Variants in AJAP1 observed in about 807,000 individuals in gnomAD.
AJAP1 encodes adherens junction-associated protein 1.
AJAP1 carries 5 observed loss-of-function variants against 35.0 expected under a neutral mutation model. The observed-to-expected ratio is 0.14, with a 90% confidence interval of 0.07 to 0.30. The LOEUF (loss-of-function observed/expected upper bound fraction) is 0.30. Ranked by LOEUF, AJAP1 falls within the 10% of genes least tolerant of loss-of-function variation. The pLI, the probability that AJAP1 is intolerant of heterozygous loss-of-function variation, is 1.00. For missense variants in AJAP1, 586 were observed against 571.0 expected (o/e 1.03, Z -0.27); for synonymous variants, 284 against 249.3 (o/e 1.14, Z -1.31).
chr1:4,726,513 C>A (rs1640663070), intron 2 of AJAP1, among the ~76,000 whole-genome samples: 1 of 152,004 alleles, frequency 6.6e-6, no homozygotes, highest in Admixed American at 6.6e-5. Context: ...GTCTGGGAGC[C>A]TAGAGGAGAT....
At chr1:4,747,237 G>A (rs1570187720) in intron 2 of AJAP1, among the ~76,000 whole-genome samples, 2 of 152,144 alleles carry the variant, frequency 1.3e-5, no homozygotes, top group East Asian at 3.9e-4. Flanking sequence ...TGCATGTCCT[G>A]ACTTGGCTGC....
chr1:4,776,943 AGCCACG>A (rs1557651290), intron 5 of AJAP1, among the ~76,000 whole-genome samples: 1 of 152,216 alleles, frequency 6.6e-6, no homozygotes, highest in Non-Finnish European at 1.5e-5. Flanking sequence ...GCCGACACGA[AGCCACG>A]GCCCACTCCT....
chr1:4,681,360 G>C (rs1639477709), intron 1 of AJAP1, among the ~76,000 whole-genome samples: 1 of 152,236 alleles, frequency 6.6e-6, no homozygotes. Flanking sequence ...CCCAGGCCAA[G>C]GAAAGGAGGC....
intron 5 of AJAP1, among the ~76,000 whole-genome samples, chr1:4,776,191 C>T (rs1016239063): frequency 6.6e-6 from 1 of 152,232 alleles, no homozygotes; most frequent in Non-Finnish European, 1.5e-5. Context: ...ACACTTTTTA[C>T]TTGCCCAGTC....
At chr1:4,733,466 G>A (rs572858762) in intron 2 of AJAP1, among the ~76,000 whole-genome samples, 5 of 149,114 alleles carry the variant, frequency 3.4e-5, no homozygotes, top group South Asian at 4.4e-4. Context: ...AAAGTATCTC[G>A]TGTGCCCAGG....
At chr1:4,759,700 C>T (rs576339331) in intron 2 of AJAP1, among the ~76,000 whole-genome samples, 1 of 152,296 alleles carries the variant, frequency 6.6e-6, no homozygotes, top group African/African-American at 2.4e-5. Context: ...CCTCCAAGAG[C>T]GAGGTGCAGG....
At chr1:4,689,441 G>A (rs1639685660) in intron 1 of AJAP1, among the ~76,000 whole-genome samples, 1 of 152,200 alleles carries the variant, frequency 6.6e-6, no homozygotes, top group East Asian at 1.9e-4. Context: ...CCAGGAAGGC[G>A]GAGGCGGGGG....
chr1:4,699,093 C>G (rs1052416786), intron 1 of AJAP1, among the ~76,000 whole-genome samples: 1 of 152,196 alleles, frequency 6.6e-6, no homozygotes. Context: ...AGGGTAGCAT[C>G]TGGTCATTGT....
In AJAP1 at chr1:4,655,682, G is replaced by T. The variant is rs1438192680; in HGVS notation, c.29+228G>T. Among the ~76,000 whole-genome samples, 1 of 151,164 alleles carries T rather than the reference G, an allele frequency of 6.6e-6. No homozygotes were observed. Among genetic ancestry groups the T allele is most frequent in the African/African-American group, 2.4e-5 (1 of 41,338 alleles). The stretch of plus-strand genomic sequence containing the variant: ...CCAGGGTTCCGCGCGTCCGGGGTCG[G>T]GGCAGCGGCGCCCGCCCCAGCAACC... On this transcript the variant is annotated intron_variant, in intron 1 of 5. Coordinates refer to ENST00000378191, the MANE Select transcript of AJAP1 (RefSeq NM_018836.4). This position sits in a 1 kb window ranked among gnomAD's most constrained non-coding sequence, Gnocchi z 6.9.
intron 1 of AJAP1, 91 bp from the exon 2 acceptor site, chr1:4,711,809 C>A: frequency 9.6e-7 from 1 of 1,041,692 alleles, no homozygotes; most frequent in Non-Finnish European, 1.3e-6. Flanking sequence ...GCGTCCTTGT[C>A]ACAGCGCGGG....
chr1:4,743,399 T>C lies in AJAP1; in HGVS notation c.830-26454T>C, dbSNP rs74051957. Among the ~76,000 whole-genome samples, 1,224 of 152,222 alleles carry C rather than the reference T, an allele frequency of 8.0e-3. 21 individuals are homozygous for C. The highest frequency in any genetic ancestry group is 0.029 in the African/African-American group (1,189 of 41,540). On this transcript the variant is annotated intron_variant, in intron 2 of 5. Transcript: ENST00000378191. Reference sequence around the variant, plus strand: ...GGGCTCGAGACAGTGCACCTGGTTATGGAAAACTAAAAGGGAAGGGGCTTA... The same window carrying C: ...GGGCTCGAGACAGTGCACCTGGTTACGGAAAACTAAAAGGGAAGGGGCTTA...
At position 4,790,733 on chromosome 1, in the gene AJAP1, G is replaced by C. The variant is rs1163041431; in HGVS notation, c.*8248G>C. On this transcript the variant is annotated 3_prime_UTR_variant, in exon 6 of 6. Transcript: ENST00000378191. ...AATTCCCAGCCTGAGGTGACACACAGAGGTTCAGCAGACGTCTCAGGATCT... is the reference window on the plus strand; with the variant it reads ...AATTCCCAGCCTGAGGTGACACACACAGGTTCAGCAGACGTCTCAGGATCT... 3 of 152,202 alleles carry C rather than the reference G, an allele frequency of 2.0e-5. No individual in the cohort carries two copies. Among genetic ancestry groups the C allele is most frequent in the Non-Finnish European group, 4.4e-5 (3 of 68,046 alleles). The allele number at this position is 152,202 out of a possible 1,614,324, so 9.4% of individuals were successfully genotyped here. A position where few individuals can be genotyped will look rare whatever the true frequency, so the allele number is the denominator to read the frequency against.
rs1639799414 is a variant in AJAP1, at chr1:4,693,920, T to C, written c.30-17980T>C. ...TCTTACAGGTCCCACCTCAGTGCTG[T>C]GGCACAGGGATTACATTTCCACAGA... On this transcript the variant is annotated intron_variant, in intron 1 of 5. Transcript: ENST00000378191. The surrounding 1 kb of genome is among the most constrained non-coding windows in gnomAD (Gnocchi z 4.4). 6.6e-6 allele frequency among the ~76,000 whole-genome samples: 1 copy of C among 152,208 alleles called. No homozygotes were observed. The highest frequency in any genetic ancestry group is 1.5e-5 in the Non-Finnish European group (1 of 68,028).
intron 2 of AJAP1, among the ~76,000 whole-genome samples, chr1:4,744,840 C>T (rs920611071): frequency 2.6e-5 from 4 of 152,126 alleles, no homozygotes; most frequent in African/African-American, 9.7e-5. Flanking sequence ...TTTGCCCCTG[C>T]TGGTGTCACT....
At chr1:4,675,616 C>T (rs368097480) in intron 1 of AJAP1, among the ~76,000 whole-genome samples, 2 of 152,208 alleles carry the variant, frequency 1.3e-5, no homozygotes, top group Non-Finnish European at 2.9e-5. Flanking sequence ...TCACATTGCT[C>T]GACTGTATGG....
chr1:4,745,365 T>A (rs1641165211), intron 2 of AJAP1, among the ~76,000 whole-genome samples: 1 of 151,904 alleles, frequency 6.6e-6, no homozygotes, highest in Non-Finnish European at 1.5e-5. Context: ...GGCTCTGCCT[T>A]TCTCCCCCAT....
chr1:4,670,900 T>C (rs4281299), intron 1 of AJAP1, among the ~76,000 whole-genome samples: 12,437 of 152,332 alleles, frequency 0.082, 709 homozygotes, highest in Admixed American at 0.17. Context: ...AAACAAAGTC[T>C]TCCATCACTG....
At chr1:4,742,771 C>G (rs1275701988) in intron 2 of AJAP1, among the ~76,000 whole-genome samples, 1 of 152,166 alleles carries the variant, frequency 6.6e-6, no homozygotes, top group African/African-American at 2.4e-5. Flanking sequence ...CCCACCCTAG[C>G]CCAGGTAGAA....
intron 2 of AJAP1, among the ~76,000 whole-genome samples, chr1:4,713,737 C>T (rs1421249405): frequency 6.6e-6 from 1 of 152,284 alleles, no homozygotes; most frequent in Non-Finnish European, 1.5e-5. Context: ...TCTAGACAAA[C>T]AGCAACATTT....
Sources: allele counts gnomAD v4.1 joint callset (sites outside exome capture counted in the v4.1 genomes callset), GRCh38; gene constraint gnomAD v4.1.1; non-coding constraint Gnocchi (gnomAD v3.1); transcripts MANE v1.5; gene names NCBI Gene and HGNC (gene_info 2026-07-23, HGNC 2026-07-21).